Variants in DYNC1I2 observed in about 807,000 individuals in gnomAD.
The protein encoded by DYNC1I2 is cytoplasmic dynein 1 intermediate chain 2.
A neutral mutation model predicts 88.6 loss-of-function variants in DYNC1I2; 53 were observed. The observed-to-expected ratio is 0.60, with a 90% CI of 0.48 to 0.75. DYNC1I2 has a LOEUF of 0.75. DYNC1I2 is among the 30% of genes least tolerant of loss of function. The pLI is 0.00. For synonymous variants in DYNC1I2, 198 were observed against 254.6 expected (o/e 0.78, Z 2.12); for missense variants, 458 against 766.6 (o/e 0.60, Z 4.75).
At chr2:171,708,759 C>G (rs1016244460) in intron 5 of DYNC1I2, among the ~76,000 whole-genome samples, 9 of 152,068 alleles carry the variant, frequency 5.9e-5, no homozygotes. Context: ...GTGGCGCAAT[C>G]TTGGCTCACT....
intron 7 of DYNC1I2, among the ~76,000 whole-genome samples, chr2:171,723,238 A>G (rs1688015477): frequency 6.6e-6 from 1 of 152,204 alleles, no homozygotes; most frequent in African/African-American, 2.4e-5. Context: ...GGAGAATAAG[A>G]TGTGGGTAGG....
rs1011139414 is a variant in DYNC1I2, at chr2:171,750,145, C to A, written c.*2256C>A. On this transcript the variant is annotated 3_prime_UTR_variant, in exon 18 of 18. Coordinates refer to ENST00000397119, the MANE Select transcript of DYNC1I2 (RefSeq NM_001378.3). Reference sequence around the variant, plus strand: ...CACAGACAATTAACTTGCAATAAATCTCTGAAATAATCATTTTTTGGTATT... The same window carrying A: ...CACAGACAATTAACTTGCAATAAATATCTGAAATAATCATTTTTTGGTATT... 6.6e-6 allele frequency among the ~76,000 whole-genome samples: 1 copy of A among 152,104 alleles called. No individual in the cohort carries two copies. Among genetic ancestry groups the A allele is most frequent in the African/African-American group, 2.4e-5 (1 of 41,416 alleles).
chr2:171,710,856 C>A (rs1226685125), intron 5 of DYNC1I2, among the ~76,000 whole-genome samples: 1 of 150,746 alleles, frequency 6.6e-6, no homozygotes, highest in African/African-American at 2.4e-5. Flanking sequence ...GTGTGTGTCA[C>A]CATACCCAGC....
chr2:171,692,926 A>T (rs2105459654), intron 3 of DYNC1I2, 32 bp downstream of exon 3: 1 of 1,453,254 alleles, frequency 6.9e-7, no homozygotes, highest in South Asian at 1.2e-5. Context: ...TTTATAAGAG[A>T]TAGGCATAGA....
rs149580450 is a variant in DYNC1I2 at position 171,726,324 on chromosome 2, C to T, written c.870+31C>T. On this transcript the variant is annotated intron_variant, in intron 10 of 17. Coordinates refer to ENST00000397119, the MANE Select transcript of DYNC1I2 (RefSeq NM_001378.3). The stretch of plus-strand genomic sequence containing the variant: ...ATATAACAAAATAGGCCGCTCTTAA[C>T]TCATTTTTAAAATTATAATTAGCAG... 2.8e-6 allele frequency: 4 copies of T among 1,453,142 alleles called. No individual in the cohort carries two copies. In the East Asian group the frequency reaches 9.3e-5, roughly 34 times the overall value. 90.0% of individuals were successfully genotyped at this position (1,453,142 alleles called of 1,614,324 possible).
Position 171,729,820 on chromosome 2 carries a change from G to A in DYNC1I2, c.1503G>A (p.Ser501=). 3.1e-6 allele frequency: 5 copies of A among 1,613,678 alleles called. No homozygotes were observed. Among genetic ancestry groups the A allele is most frequent in the East Asian group, 2.2e-5 (1 of 44,868 alleles). ...TCTCACATCTTTTTGTCACTTCATCGTTTGACTGGACAGTAAAGCTTTGGA... is the reference window on the plus strand; with the variant it reads ...TCTCACATCTTTTTGTCACTTCATCATTTGACTGGACAGTAAAGCTTTGGA... ...VDFSHLFVTS[S]FDWTVKLWTT... is the part of the protein sequence containing the mutation. Residue 501 remains serine (S), a synonymous_variant, in exon 15 of 18, where the codon TCG becomes TCA. Transcript: ENST00000397119.
At chr2:171,705,535 A>C (rs1686613834) in intron 3 of DYNC1I2, among the ~76,000 whole-genome samples, 1 of 152,096 alleles carries the variant, frequency 6.6e-6, no homozygotes, top group South Asian at 2.1e-4. Flanking sequence ...GCCTCACTAT[A>C]ATTTAATAAA....
Position 171,714,142 on chromosome 2 carries a change from A to G in DYNC1I2, c.396-1186A>G, listed in dbSNP as rs1574560049. On this transcript the variant is annotated intron_variant, in intron 6 of 17. Coordinates refer to ENST00000397119, the MANE Select transcript of DYNC1I2 (RefSeq NM_001378.3). ...TTTCAAATTTTATTCTTAGACTTCT[A>G]GATTACTTCAGATTACTTAAATTGT... Among the ~76,000 whole-genome samples the G allele has an allele frequency of 4.6e-5, 7 of 152,228 alleles. No homozygotes were observed. In the South Asian group the frequency reaches 1.2e-3, roughly 27 times the overall value.
intron 7 of DYNC1I2, among the ~76,000 whole-genome samples, chr2:171,717,636 C>G (rs955557571): frequency 6.6e-6 from 1 of 152,046 alleles, no homozygotes; most frequent in Non-Finnish European, 1.5e-5. Flanking sequence ...CTGCAGGATT[C>G]TGTAATTTCT....
intron 3 of DYNC1I2, among the ~76,000 whole-genome samples, chr2:171,705,587 A>G (rs1686619131): frequency 6.6e-6 from 1 of 152,124 alleles, no homozygotes; most frequent in Admixed American, 6.5e-5. Flanking sequence ...ACAACTGTTA[A>G]GTATTACTCT....
rs144997628 is a variant in DYNC1I2, at chr2:171,732,857, C to CT, written c.1536+3012dup. ...TTCCTTTTCGGTAATTGAAAGTAAT[C>CT]TTTTTTTTAAAACTTTTATTTTACA... On this transcript the variant is annotated intron_variant, in intron 15 of 17. Transcript: ENST00000397119. Among the ~76,000 whole-genome samples, 188 of 152,078 alleles carry CT rather than the reference C, an allele frequency of 1.2e-3. 1 individual carries two copies. In the East Asian group the frequency reaches 0.029, roughly 23 times the overall value.
intron 3 of DYNC1I2, among the ~76,000 whole-genome samples, chr2:171,701,051 A>AT (rs1229072472): frequency 6.6e-6 from 1 of 152,346 alleles, no homozygotes; most frequent in Non-Finnish European, 1.5e-5. Flanking sequence ...TAACAAACTG[A>AT]TTTTATCTTA....
In DYNC1I2 at chr2:171,715,396, C is replaced by T. The variant is rs1319542307; in HGVS notation, c.464C>T (p.Thr155Met). 8 of 1,569,178 alleles carry T rather than the reference C, an allele frequency of 5.1e-6. No individual in the cohort carries two copies. The Admixed American group carries it at 9.4e-5, about 18-fold the overall frequency. The change falls in exon 7 of 18, where the codon ACG (threonine) becomes ATG (methionine). Residue 155 changes from threonine (T) to methionine (M), a missense_variant. Physicochemically the swap from Thr to Met is moderately conservative, Grantham distance 81. Around this residue, in one of 5 missense-constraint regions of DYNC1I2, gnomAD observed 203 missense variants for 354.2 expected, o/e 0.57. Transcript: ENST00000397119. ...QVDFPPREIV[T>M]YTKETQTPVM... is the part of the protein sequence containing the mutation. ...GACTTTCCTCCTCGAGAAATTGTCA[C>T]GTATACAAAGGAAACTCAGACTCCA...
chr2:171,745,714 C>A, intron 16 of DYNC1I2, 88 bp from the exon 17 acceptor site: 2 of 1,371,608 alleles, frequency 1.5e-6, no homozygotes, highest in South Asian at 1.6e-5. Flanking sequence ...AAAAATGTAG[C>A]CAGCTTGAGA....
chr2:171,708,370 C>A (rs1201641959), intron 5 of DYNC1I2, among the ~76,000 whole-genome samples: 1 of 152,092 alleles, frequency 6.6e-6, no homozygotes, highest in Non-Finnish European at 1.5e-5. Context: ...TCTGTAAACT[C>A]AATACTTCAA....
intron 3 of DYNC1I2, among the ~76,000 whole-genome samples, chr2:171,698,387 C>T (rs1685943459): frequency 6.6e-6 from 1 of 151,876 alleles, no homozygotes; most frequent in African/African-American, 2.4e-5. Context: ...TATTTTATCT[C>T]TTTTTTTTAT....
At chr2:171,697,591 C>T (rs571231707) in intron 3 of DYNC1I2, among the ~76,000 whole-genome samples, 1 of 150,560 alleles carries the variant, frequency 6.6e-6, no homozygotes, top group African/African-American at 2.5e-5. Flanking sequence ...AAAGGAAGAA[C>T]GAAGAAAGAT....
At chr2:171,710,115 G>GTA (rs745850270) in intron 5 of DYNC1I2, among the ~76,000 whole-genome samples, 47 of 101,548 alleles carry the variant, frequency 4.6e-4, no homozygotes, top group African/African-American at 1.8e-3. Context: ...TCATTTTTAT[G>GTA]TATATATACA....
rs372258686 is a variant in DYNC1I2, at chr2:171,725,590, T to TG, written c.512-28_512-27insG. The TG allele has an allele frequency of 5.9e-6, 8 of 1,354,074 alleles. No individual in the cohort carries two copies. The African/African-American group carries it at 1.4e-4, about 24-fold the overall frequency. 83.9% of individuals were successfully genotyped at this position (1,354,074 alleles called of 1,614,324 possible). ...ATTATATCATTCTGTTTTTTTGTTT[T>TG]TTTGTTTGTTTTTTTTTTTTTTTTC... On this transcript the variant is annotated intron_variant, in intron 7 of 17. Transcript: ENST00000397119.
Sources: allele counts gnomAD v4.1 joint callset (sites outside exome capture counted in the v4.1 genomes callset), GRCh38; gene constraint gnomAD v4.1.1; regional missense constraint gnomAD v4.1.1; transcripts MANE v1.5; gene names NCBI Gene and HGNC (gene_info 2026-07-23, HGNC 2026-07-21).